PRKDC: variants seen among roughly 807,000 people sequenced by gnomAD.
PRKDC encodes protein kinase, DNA-activated, catalytic subunit.
Under a neutral mutation model 486.9 loss-of-function variants are expected in PRKDC, and 82 were observed. The ratio of observed to expected loss-of-function variants is 0.17; its 90% CI spans 0.14 to 0.20. The LOEUF is 0.20. Among genes scored for constraint, PRKDC ranks in the 10% least tolerant of loss-of-function variants. PRKDC has a pLI of 1.00. For synonymous variants in PRKDC, 1,895 were observed against 1,837.0 expected (o/e 1.03, Z -0.81); for missense variants, 4,504 against 5,038.2 (o/e 0.89, Z 3.21).
chr8:47,816,459 G>C (rs1325461653), intron 68 of PRKDC, among the ~76,000 whole-genome samples: 1 of 152,182 alleles, frequency 6.6e-6, no homozygotes, highest in Non-Finnish European at 1.5e-5. Context: ...TGTAGAGGTA[G>C]AGAAAATGCC....
intron 40 of PRKDC, among the ~76,000 whole-genome samples, chr8:47,870,538 T>C (rs1328226470): frequency 6.6e-6 from 1 of 152,184 alleles, no homozygotes; most frequent in African/African-American, 2.4e-5. Context: ...AAAGCAGACA[T>C]GGCTTCAGTG....
chr8:47,797,723 G>A lies in PRKDC; in HGVS notation c.10458+514C>T, dbSNP rs75030674. Among the ~76,000 whole-genome samples, 57 of 152,308 alleles carry A rather than the reference G, an allele frequency of 3.7e-4. 1 individual carries two copies. In the East Asian group the frequency reaches 9.6e-3, roughly 26 times the overall value. On this transcript the variant is annotated intron_variant, in intron 73 of 85. Transcript: ENST00000314191. ...AGCTGGCAGTGCAGCCCTTGGTGGGGCCAAGGGGCAGGTCACATGGAAGGG... is the reference window on the plus strand; with the variant it reads ...AGCTGGCAGTGCAGCCCTTGGTGGGACCAAGGGGCAGGTCACATGGAAGGG...
chr8:47,888,625 A>G lies in PRKDC; in HGVS notation c.4306T>C (p.Leu1436=). 1 of 1,593,930 alleles carries G rather than the reference A, an allele frequency of 6.3e-7. No individual in the cohort carries two copies. Among genetic ancestry groups the G allele is most frequent in the Non-Finnish European group, 8.5e-7 (1 of 1,170,268 alleles). Reference sequence around the variant, plus strand: ...TCCACTTGCGCGTCAGGGCCATACAAGTTGACGGCACAAAGCTCCTCAATG... The same window carrying G: ...TCCACTTGCGCGTCAGGGCCATACAGGTTGACGGCACAAAGCTCCTCAATG... The part of the protein sequence containing the change: ...QSIEELCAVN[L]YGPDAQVDRS... Residue 1436 remains leucine, a synonymous_variant, in exon 34 of 86, where the codon TTG becomes CTG. Transcript: ENST00000314191.
At position 47,831,806 on chromosome 8, in the gene PRKDC, A is replaced by G. The variant is rs752328304; in HGVS notation, c.8265+8T>C. ...TCGTTCTGATCAAATTCTTGACAAG[A>G]TACAAACCTTCTCTCGTTTTTGCTC... On this transcript the variant is annotated splice_region_variant and intron_variant, in intron 60 of 85. Transcript: ENST00000314191. 8 of 1,612,890 alleles carry G rather than the reference A, an allele frequency of 5.0e-6. No individual in the cohort carries two copies. Among genetic ancestry groups the G allele is most frequent in the Middle Eastern group, 1.7e-4 (1 of 6,060 alleles).
At chr8:47,834,424 C>A in intron 58 of PRKDC, 28 bp from the exon 59 acceptor site, 1 of 1,608,132 alleles carries the variant, frequency 6.2e-7, no homozygotes, top group Non-Finnish European at 8.5e-7. Context: ...AGAGGTCAGG[C>A]ACTCAGCATC....
intron 39 of PRKDC, 38 bp downstream of exon 39, chr8:47,879,451 AAC>A (rs2089160820): frequency 6.7e-7 from 1 of 1,484,538 alleles, no homozygotes; most frequent in Non-Finnish European, 9.0e-7. Context: ...AGAAAAAAAA[AAC>A]AGTGTTTTAA....
At chr8:47,896,523 T>C (rs2089585384) in intron 30 of PRKDC, among the ~76,000 whole-genome samples, 1 of 152,068 alleles carries the variant, frequency 6.6e-6, no homozygotes, top group South Asian at 2.1e-4. Flanking sequence ...GGCGGGTGCC[T>C]GTAGTCCCAG....
At chr8:47,914,259 T>C (rs1336171817) in intron 23 of PRKDC, among the ~76,000 whole-genome samples, 195 bp from the exon 24 acceptor site, 2 of 152,190 alleles carry the variant, frequency 1.3e-5, no homozygotes, top group African/African-American at 4.8e-5. Context: ...TAATTTAAAG[T>C]AAAATTACTT....
At position 47,782,045 on chromosome 8, in the gene PRKDC, G is replaced by T; in HGVS notation, c.11489+117C>A. On this transcript the variant is annotated intron_variant, in intron 80 of 85. Transcript: ENST00000314191. The surrounding 1 kb of genome is among the most constrained non-coding windows in gnomAD (Gnocchi z 4.9). ...TCCATTTGGTTTATTGACCCAGCCA[G>T]CAGACTGCGGGGCAGGCAGTGTGGG... 1 of 813,128 alleles carries T rather than the reference G, an allele frequency of 1.2e-6. No homozygotes were observed. Among genetic ancestry groups the T allele is most frequent in the Non-Finnish European group, 2.0e-6 (1 of 501,640 alleles). The allele number at this position is 813,128 out of a possible 1,614,324, so 50.4% of individuals were successfully genotyped here. A position where few individuals can be genotyped will look rare whatever the true frequency, so the allele number is the denominator to read the frequency against.
intron 7 of PRKDC, among the ~76,000 whole-genome samples, chr8:47,953,378 C>G (rs1286262054): frequency 6.6e-6 from 1 of 152,202 alleles, no homozygotes; most frequent in African/African-American, 2.4e-5. Flanking sequence ...GCACGTTAAA[C>G]TGGTGAGATC....
rs8178113 is a variant in PRKDC at position 47,879,423 on chromosome 8, T to C, written c.5235+68A>G. On this transcript the variant is annotated intron_variant, in intron 39 of 85. Transcript: ENST00000314191. ...TTGTGGATATTTTACTCACCTCTTT[T>C]CATCAAGATATGTAACAAGAAAAAA... is the stretch of plus-strand genomic sequence containing the variant. 1,603 of 1,389,588 alleles carry C rather than the reference T, an allele frequency of 1.2e-3. 26 individuals carry two copies. The African/African-American group carries it at 0.022, about 19-fold the overall frequency. 86.1% of individuals were successfully genotyped at this position (1,389,588 alleles called of 1,614,324 possible). A position where few individuals can be genotyped will look rare whatever the true frequency, so the allele number is the denominator to read the frequency against.
intron 59 of PRKDC, 145 bp from the exon 60 acceptor site, chr8:47,832,071 C>G: frequency 1.5e-6 from 1 of 683,078 alleles, no homozygotes; most frequent in South Asian, 1.7e-5. Context: ...GGGGCCACAG[C>G]TGCAACTGGA....
At chr8:47,776,149 T>C (rs777353611) in intron 85 of PRKDC, among the ~76,000 whole-genome samples, 1 of 152,184 alleles carries the variant, frequency 6.6e-6, no homozygotes, top group Non-Finnish European at 1.5e-5. Flanking sequence ...TTTTATAGTT[T>C]TGACTCTTAC....
intron 51 of PRKDC, among the ~76,000 whole-genome samples, chr8:47,853,871 G>T (rs1373519201): frequency 6.6e-6 from 1 of 152,136 alleles, no homozygotes; most frequent in African/African-American, 2.4e-5. Flanking sequence ...TTGCTATGCT[G>T]TCCAGGCTGG....
Position 47,820,890 on chromosome 8 carries a change from T to C in PRKDC, c.9165A>G (p.Gly3055=), listed in dbSNP as rs1337094896. Residue 3055 remains glycine (G), a synonymous_variant, in exon 66 of 86, where the codon GGA becomes GGG. Coordinates refer to ENST00000314191, the MANE Select transcript of PRKDC (RefSeq NM_006904.7). ...IRSKLKLLLQ[G]EADQSLLTFI... ...ATGTCAGCAGGGACTGGTCAGCCTC[T>C]CCCTGGAGCAGCAGCTTCAGCTTGC... 5.0e-6 allele frequency: 8 copies of C among 1,609,616 alleles called. No individual in the cohort carries two copies. The highest frequency in any genetic ancestry group is 1.6e-4 in the Middle Eastern group (1 of 6,070).
intron 22 of PRKDC, among the ~76,000 whole-genome samples, chr8:47,916,933 T>C (rs939913002): frequency 1.3e-5 from 2 of 152,170 alleles, no homozygotes; most frequent in Non-Finnish European, 1.5e-5. Context: ...TAGAGAACCA[T>C]AGTGCTAAGG....
At chr8:47,951,155 T>A (rs2090619011) in intron 7 of PRKDC, among the ~76,000 whole-genome samples, 1 of 152,004 alleles carries the variant, frequency 6.6e-6, no homozygotes. Context: ...GATCTCTTGG[T>A]TGGAGACCAG....
In PRKDC at chr8:47,858,528, A is replaced by G; in HGVS notation, c.6453T>C (p.Ile2151=). 3 of 1,511,316 alleles carry G rather than the reference A, an allele frequency of 2.0e-6. No individual in the cohort carries two copies. The highest frequency in any genetic ancestry group is 2.7e-6 in the Non-Finnish European group (3 of 1,115,452). The allele number at this position is 1,511,316 out of a possible 1,614,324, so 93.6% of individuals were successfully genotyped here. ...ATCAATTACTTACCTCTTCTGTATT[A>G]ATAACAAGCTTGGCTAAGAAGAGAC... ...NIRLFLAKLV[I]NTEEVFRPYA... is the part of the protein sequence containing the mutation. The change falls in exon 48 of 86, where the codon ATT becomes ATC. Residue 2151 remains isoleucine, a synonymous_variant. Coordinates refer to ENST00000314191, the MANE Select transcript of PRKDC (RefSeq NM_006904.7).
chr8:47,839,267 A>G (rs1305721947), intron 55 of PRKDC, 21 bp from the exon 56 acceptor site: 1 of 1,526,490 alleles, frequency 6.6e-7, no homozygotes. Flanking sequence ...AAACAGCAAA[A>G]TGTCACAACA....
Sources: allele counts gnomAD v4.1 joint callset (sites outside exome capture counted in the v4.1 genomes callset), GRCh38; gene constraint gnomAD v4.1.1; non-coding constraint Gnocchi (gnomAD v3.1); transcripts MANE v1.5; gene names NCBI Gene and HGNC (gene_info 2026-07-23, HGNC 2026-07-21).